The following PFKFB3 variants were observed in gnomAD, a reference collection of about 807,000 sequenced individuals.
The protein encoded by PFKFB3 is 6-phosphofructo-2-kinase/fructose-2,6-bisphosphatase 3.
A neutral mutation model predicts 68.0 loss-of-function variants in PFKFB3; 33 were observed. The observed-to-expected ratio is 0.49, with a 90% CI of 0.37 to 0.65. The LOEUF (loss-of-function observed/expected upper bound fraction) is 0.65. Among genes scored for constraint, PFKFB3 ranks in the 30% least tolerant of loss-of-function variants. The pLI, the probability that PFKFB3 is intolerant of heterozygous loss-of-function variation, is 0.00. For synonymous variants in PFKFB3, 315 were observed against 288.2 expected, an observed-to-expected ratio of 1.09 and a Z score of -0.94; for missense variants, 586 against 712.2, an observed-to-expected ratio of 0.82 and a Z score of 2.02.
At chr10:6,274,785 G>C in the PFKFB3 span, among the ~76,000 whole-genome samples, 1 of 151,858 alleles carries the variant, frequency 6.6e-6, no homozygotes, top group African/African-American at 2.4e-5. Context: ...GCAGTGAGCT[G>C]TGATGGTACC....
intron 1 of PFKFB3, among the ~76,000 whole-genome samples, chr10:6,207,345 G>T (rs896497104): frequency 3.3e-5 from 5 of 152,254 alleles, no homozygotes; most frequent in Non-Finnish European, 7.3e-5. Context: ...GCTGAGGCAG[G>T]AGAATCAGGC....
Position 6,226,299 on chromosome 10 carries a change from G to C in PFKFB3, c.1449G>C (p.Val483=). The change falls in exon 14 of 15, where the codon GTG becomes GTC. Residue 483 remains valine, a synonymous_variant. Coordinates refer to ENST00000379775, the MANE Select transcript of PFKFB3 (RefSeq NM_004566.4). ...GCATCAACAGCTTTGAGGAGCATGT[G>C]GCCTCCACCTCGGCCGCCCTGCCCA... The part of the protein sequence containing the change: ...KPRINSFEEH[V]ASTSAALPSC... 6.2e-7 allele frequency: 1 copy of C among 1,614,132 alleles called. No homozygotes were observed. Among genetic ancestry groups the C allele is most frequent in the Non-Finnish European group, 8.5e-7 (1 of 1,180,004 alleles).
intron 13 of PFKFB3, chr10:6,224,773 G>A (rs968529148): frequency 3.2e-5 from 10 of 314,862 alleles, no homozygotes; most frequent in South Asian, 7.8e-5. Context: ...GGTGTGAGCC[G>A]TTGTGCCCAG....
the PFKFB3 span, among the ~76,000 whole-genome samples, chr10:6,290,806 T>A: frequency 0.036 from 5,553 of 152,228 alleles, 164 homozygotes; most frequent in Middle Eastern, 0.15. Context: ...GCCTGGCCTG[T>A]CTTTGATTTT....
chr10:6,247,729 C>T (rs770012754), intron 14 of PFKFB3, among the ~76,000 whole-genome samples: 2 of 152,222 alleles, frequency 1.3e-5, no homozygotes, highest in Non-Finnish European at 1.5e-5. Context: ...AGGAACCCTT[C>T]CTCGTCTTGA....
chr10:6,210,637 T>A (rs1411554249), intron 1 of PFKFB3, among the ~76,000 whole-genome samples: 5 of 2,926 alleles, frequency 1.7e-3, no homozygotes, highest in African/African-American at 2.6e-3. Flanking sequence ...CTTGATAGTG[T>A]TTTTAATAGA....
the PFKFB3 span, among the ~76,000 whole-genome samples, chr10:6,306,093 G>T: frequency 5.9e-5 from 9 of 152,180 alleles, no homozygotes; most frequent in African/African-American, 2.2e-4. Flanking sequence ...CTCTTCACAG[G>T]TGTGATCAGT....
At chr10:6,216,053 G>A (rs35710132) in intron 3 of PFKFB3, 72 bp from the exon 4 acceptor site, 57,477 of 1,341,372 alleles carry the variant, frequency 0.043, 1,915 homozygotes, top group East Asian at 0.14. Flanking sequence ...GTCGGGGCGT[G>A]TCGGGAGTTG....
At chr10:6,149,745 C>T (rs1418749640) in intron 1 of PFKFB3, 2 of 158,500 alleles carry the variant, frequency 1.3e-5, no homozygotes, top group African/African-American at 4.8e-5. Flanking sequence ...GCGTCCCTCC[C>T]AAAGCTGTGT....
chr10:6,230,816 A>G (rs1845689658), intron 14 of PFKFB3, among the ~76,000 whole-genome samples: 1 of 151,926 alleles, frequency 6.6e-6, no homozygotes, highest in Non-Finnish European at 1.5e-5. Flanking sequence ...CCCGGGTTCA[A>G]GCGATTCTCC....
At chr10:6,240,598 G>C (rs994117074) in intron 14 of PFKFB3, among the ~76,000 whole-genome samples, 1 of 152,074 alleles carries the variant, frequency 6.6e-6, no homozygotes, top group African/African-American at 2.4e-5. Flanking sequence ...GAGTTGCAAA[G>C]ACAGTACAGA....
chr10:6,224,077 T>C lies in PFKFB3; in HGVS notation c.1276+57T>C, dbSNP rs372732819. The C allele has an allele frequency of 3.7e-6, 6 of 1,612,502 alleles. No homozygotes were observed. In the East Asian group the frequency reaches 6.7e-5, roughly 18 times the overall value. On this transcript the variant is annotated intron_variant, in intron 12 of 14. Coordinates refer to ENST00000379775, the MANE Select transcript of PFKFB3 (RefSeq NM_004566.4). ...CCTGAAGGTGGCCACAGTAGCTTCT[T>C]GTGGCCGTGGGCTGTAAGCGGTGCT...
chr10:6,200,267 A>G (rs557567507), upstream of PFKFB3, among the ~76,000 whole-genome samples: 3 of 152,200 alleles, frequency 2.0e-5, no homozygotes, highest in African/African-American at 7.2e-5. Flanking sequence ...GTAGCTGTAA[A>G]AGAATCATCG....
the PFKFB3 span, among the ~76,000 whole-genome samples, chr10:6,262,265 T>C: frequency 5.3e-4 from 81 of 151,434 alleles, 1 homozygote; most frequent in African/African-American, 1.4e-3. Flanking sequence ...CCATCCTGGC[T>C]AACATGGTGA....
upstream of PFKFB3, among the ~76,000 whole-genome samples, chr10:6,201,183 C>G (rs1843335742): frequency 6.6e-6 from 1 of 152,032 alleles, no homozygotes; most frequent in African/African-American, 2.4e-5. This position sits in a 1 kb window ranked among gnomAD's most constrained non-coding sequence, Gnocchi z 4.1. Context: ...GAACTCGTCC[C>G]GGTGGCGCGG....
the PFKFB3 span, chr10:6,293,082 G>A: frequency 6.6e-5 from 26 of 394,212 alleles, no homozygotes; most frequent in East Asian, 1.5e-4. Flanking sequence ...CTACATTTCC[G>A]TCGTGTGATG....
At chr10:6,254,224 A>G in exon 15 of PFKFB3, 2 of 398,236 alleles carry the variant, frequency 5.0e-6, no homozygotes, top group Non-Finnish European at 8.8e-6. Context: ...CCACCAGTCC[A>G]GCCCCCTGAA....
intron 1 of PFKFB3, among the ~76,000 whole-genome samples, chr10:6,185,478 C>T (rs569772224): frequency 8.5e-5 from 13 of 152,284 alleles, no homozygotes; most frequent in South Asian, 8.3e-4. Context: ...GGCGAGGAGA[C>T]GGCAGAGGGA....
intron 1 of PFKFB3, chr10:6,146,325 T>C: frequency 1.3e-6 from 2 of 1,527,760 alleles, no homozygotes; most frequent in East Asian, 2.5e-5. Flanking sequence ...CAGCGTGGGC[T>C]CCTGGCGGTG....
Sources: gnomAD v4.1 joint callset for allele counts (sites outside exome capture counted in the v4.1 genomes callset) on GRCh38, gnomAD v4.1.1 for gene constraint, Gnocchi (gnomAD v3.1) non-coding constraint, MANE v1.5 for transcripts, NCBI Gene and HGNC (gene_info 2026-07-23, HGNC 2026-07-21) for gene names.